Variants in ZNF654 observed in about 807,000 individuals in gnomAD.
ZNF654 encodes melanoma-associated antigen.
In ZNF654, 19 loss-of-function variants were observed where a neutral mutation model predicts 95.3. The ratio of observed to expected loss-of-function variants is 0.20; its 90% CI spans 0.14 to 0.29. The LOEUF is 0.29. Among genes scored for constraint, ZNF654 ranks in the 10% least tolerant of loss-of-function variants. The pLI is 1.00. For missense variants in ZNF654, 1,046 were observed against 1,341.0 expected, an observed-to-expected ratio of 0.78 and a Z score of 3.44; for synonymous variants, 413 against 457.9, an observed-to-expected ratio of 0.90 and a Z score of 1.25.
chr3:88,059,377 A>G lies in ZNF654; in HGVS notation c.58A>G (p.Ile20Val). ...ACGCCTCGGAGAAGAGCTTGTGGCC[A>G]TTGTGGAGTCCCCGCTGGGCCCTGT... Reference protein sequence around the residue: ...AERLGEELVAIVESPLGPVGL... With the variant: ...AERLGEELVAVVESPLGPVGL... Residue 20 changes from isoleucine (I) to valine (V), a missense_variant, in exon 1 of 9, where the codon ATT (isoleucine) becomes GTT (valine). Coordinates refer to ENST00000636215, the MANE Select transcript of ZNF654 (RefSeq NM_001350134.2). The G allele has an allele frequency of 2.0e-6, 3 of 1,535,222 alleles. No individual in the cohort carries two copies. Among genetic ancestry groups the G allele is most frequent in the Non-Finnish European group, 2.6e-6 (3 of 1,146,694 alleles).
At chr3:88,123,685 T>A (rs1296009584) in intron 3 of ZNF654, among the ~76,000 whole-genome samples, 1 of 152,226 alleles carries the variant, frequency 6.6e-6, no homozygotes, top group Non-Finnish European at 1.5e-5. Context: ...AGTCCAGTTC[T>A]AAGTCCCATA....
intron 8 of ZNF654, 159 bp downstream of exon 8, chr3:88,141,207 A>G: frequency 1.3e-6 from 1 of 788,026 alleles, no homozygotes. Flanking sequence ...TACAACCACT[A>G]TGAGGTGATA....
intron 2 of ZNF654, among the ~76,000 whole-genome samples, chr3:88,090,038 A>G (rs1708550819): frequency 6.6e-6 from 1 of 152,216 alleles, no homozygotes; most frequent in Non-Finnish European, 1.5e-5. Flanking sequence ...AGATAAAAGT[A>G]TAGCATATAG....
At chr3:88,076,408 C>G (rs1298250057) in intron 1 of ZNF654, among the ~76,000 whole-genome samples, 1 of 152,072 alleles carries the variant, frequency 6.6e-6, no homozygotes, top group African/African-American at 2.4e-5. Context: ...ACAGTTACTT[C>G]TGATATATAT....
intron 1 of ZNF654, among the ~76,000 whole-genome samples, chr3:88,083,901 G>C (rs1225828528): frequency 2.0e-5 from 3 of 149,960 alleles, no homozygotes; most frequent in African/African-American, 7.4e-5. Context: ...CAGCATAGGA[G>C]AAAAATTTCA....
intron 7 of ZNF654, 141 bp from the exon 8 acceptor site, chr3:88,138,564 G>T: frequency 2.3e-6 from 1 of 443,118 alleles, no homozygotes; most frequent in South Asian, 1.3e-4. Flanking sequence ...GTTAAACAAG[G>T]CTACTAAATA....
At chr3:88,097,259 C>A (rs1704119269) in intron 2 of ZNF654, among the ~76,000 whole-genome samples, 1 of 151,980 alleles carries the variant, frequency 6.6e-6, no homozygotes, top group African/African-American at 2.4e-5. Flanking sequence ...TGTAATTTTT[C>A]ATTTTGGTAG....
chr3:88,090,011 C>G (rs1483059762), intron 2 of ZNF654, among the ~76,000 whole-genome samples: 1 of 152,106 alleles, frequency 6.6e-6, no homozygotes, highest in Non-Finnish European at 1.5e-5. Flanking sequence ...GTAAACAAAC[C>G]TACGGCTCTG....
At chr3:88,120,427 G>T (rs1359594053) in intron 3 of ZNF654, among the ~76,000 whole-genome samples, 1 of 152,112 alleles carries the variant, frequency 6.6e-6, no homozygotes, top group Non-Finnish European at 1.5e-5. Context: ...ATTAGGAATG[G>T]GGAGGGATGA....
At chr3:88,125,370 T>A (rs1706035724) in intron 3 of ZNF654, among the ~76,000 whole-genome samples, 1 of 152,162 alleles carries the variant, frequency 6.6e-6, no homozygotes, top group South Asian at 2.1e-4. Context: ...TACAAACTTG[T>A]TACAAATTTC....
intron 5 of ZNF654, 105 bp from the exon 6 acceptor site, chr3:88,129,582 A>C (rs1706327504): frequency 1.1e-6 from 1 of 925,922 alleles, no homozygotes; most frequent in South Asian, 2.3e-5. Flanking sequence ...TTGTAGAAGA[A>C]AACTAGAAAT....
chr3:88,140,626 C>T lies in ZNF654; in HGVS notation c.2957C>T (p.Thr986Ile). Residue 986 changes from threonine (T) to isoleucine (I), a missense_variant, in exon 8 of 9, where the codon ACA becomes ATA. Physicochemically the swap from Thr to Ile is moderately conservative, Grantham distance 89 (BLOSUM62 -1). This residue lies in a region of ZNF654 where 495 missense variants were observed against 537.0 expected (regional missense o/e 0.92). Transcript: ENST00000636215. ...AATGGACACAGTGAAATAGAGCAAA[C>T]ACCTTTAGTTTCATCAGATCCTGCT... Reference protein sequence around the residue: ...IVNGHSEIEQTPLVSSDPALK... With the variant: ...IVNGHSEIEQIPLVSSDPALK... The T allele has an allele frequency of 6.2e-7, 1 of 1,613,680 alleles. No individual in the cohort carries two copies. The highest frequency in any genetic ancestry group is 8.5e-7 in the Non-Finnish European group (1 of 1,179,724).
Position 88,099,905 on chromosome 3 carries a change from T to C in ZNF654, c.333-13210T>C, listed in dbSNP as rs545860425. ...AACGTAGGCAATACCATTGAGGACA[T>C]AGGCATGGGCAAGGACTTCATGACT... is the stretch of plus-strand genomic sequence containing the variant. On this transcript the variant is annotated intron_variant, in intron 2 of 8. Transcript: ENST00000636215. Among the ~76,000 whole-genome samples, 5 of 152,318 alleles carry C rather than the reference T, an allele frequency of 3.3e-5. No homozygotes were observed. In the East Asian group the frequency reaches 9.6e-4, roughly 29 times the overall value.
intron 3 of ZNF654, among the ~76,000 whole-genome samples, chr3:88,118,443 G>A (rs1323065753): frequency 6.6e-6 from 1 of 152,038 alleles, no homozygotes; most frequent in African/African-American, 2.4e-5. Context: ...CTCCTTTGTG[G>A]GGCAAGTGTT....
At chr3:88,105,687 A>G (rs936528402) in intron 2 of ZNF654, among the ~76,000 whole-genome samples, 1 of 152,130 alleles carries the variant, frequency 6.6e-6, no homozygotes, top group African/African-American at 2.4e-5. Context: ...TATTCTGTCA[A>G]TCTTCTGATT....
In ZNF654 at chr3:88,117,647, A is replaced by C. The variant is rs76507169; in HGVS notation, c.414+4451A>C. ...AGGCATTTTTATTATGGTTATCATG[A>C]AGAATCCATTAATGTCTAATGATTC... On this transcript the variant is annotated intron_variant, in intron 3 of 8. Coordinates refer to ENST00000636215, the MANE Select transcript of ZNF654 (RefSeq NM_001350134.2). Among the ~76,000 whole-genome samples the C allele has an allele frequency of 7.2e-5, 11 of 152,326 alleles. No homozygotes were observed. The East Asian group carries it at 2.1e-3, about 29-fold the overall frequency.
Position 88,139,619 on chromosome 3 carries a change from CAAAG to C in ZNF654, c.1953_1956del (p.Glu652SerfsTer14). On this transcript the variant is annotated frameshift_variant, in exon 8 of 9. Transcript: ENST00000636215. LOFTEE classifies it high-confidence loss of function. ...CACTTACTGCTTCTAGTGAAGGAAA[CAAAG>C]AAGTCATCCCTGAGCATGTGGCTGA... The C allele has an allele frequency of 1.2e-6, 2 of 1,613,612 alleles. No individual in the cohort carries two copies. Among genetic ancestry groups the C allele is most frequent in the Non-Finnish European group, 8.5e-7 (1 of 1,179,722 alleles).
At chr3:88,141,237 G>T (rs1707110607) in intron 8 of ZNF654, among the ~76,000 whole-genome samples, 189 bp downstream of exon 8, 1 of 152,038 alleles carries the variant, frequency 6.6e-6, no homozygotes, top group South Asian at 2.1e-4. Context: ...CTGTTTTATA[G>T]ATCAAGCAAC....
intron 7 of ZNF654, among the ~76,000 whole-genome samples, chr3:88,137,806 A>G (rs929945124): frequency 1.3e-5 from 2 of 152,170 alleles, no homozygotes; most frequent in Admixed American, 1.3e-4. Context: ...TCAGGGTTAC[A>G]CAGCATGTAA....
Sources: gnomAD v4.1 joint callset for allele counts (sites outside exome capture counted in the v4.1 genomes callset) on GRCh38, gnomAD v4.1.1 for gene constraint, gnomAD v4.1.1 regional missense constraint, MANE v1.5 for transcripts, NCBI Gene and HGNC (gene_info 2026-07-23, HGNC 2026-07-21) for gene names.